DOCK4: variants seen among roughly 807,000 people sequenced by gnomAD.
The protein encoded by DOCK4 is dedicator of cytokinesis 4, also known as dedicator of cytokinesis protein 4.
Under a neutral mutation model 268.1 loss-of-function variants are expected in DOCK4, and 97 were observed. The ratio of observed to expected loss-of-function variants is 0.36; its 90% CI spans 0.31 to 0.43. The LOEUF is 0.43. Among genes scored for constraint, DOCK4 ranks in the 20% least tolerant of loss-of-function variants. The pLI is 1.00. For synonymous variants in DOCK4, 954 were observed against 887.2 expected (o/e 1.08, Z -1.34); for missense variants, 2,145 against 2,455.7 (o/e 0.87, Z 2.67).
intron 37 of DOCK4, among the ~76,000 whole-genome samples, chr7:111,767,621 G>A (rs999482984): frequency 6.6e-6 from 1 of 152,098 alleles, no homozygotes; most frequent in Non-Finnish European, 1.5e-5. Context: ...TGCTGGAAAC[G>A]ATAATCTACC....
At chr7:111,941,841 G>A (rs1439796537) in intron 10 of DOCK4, among the ~76,000 whole-genome samples, 1 of 152,160 alleles carries the variant, frequency 6.6e-6, no homozygotes, top group African/African-American at 2.4e-5. Flanking sequence ...TAAGGTTGAT[G>A]GGAGAAGTGT....
Position 111,940,161 on chromosome 7 carries a change from G to A in DOCK4, c.926C>T (p.Ala309Val). ...CTTTGTCTCTCCTGTTAGCAGGTCAGCGATGCTAAGAACTGCACAGCCAAA... is the reference window on the plus strand; with the variant it reads ...CTTTGTCTCTCCTGTTAGCAGGTCAACGATGCTAAGAACTGCACAGCCAAA... Reference protein sequence around the residue: ...RPFGCAVLSIADLLTGETKDD... With the variant: ...RPFGCAVLSIVDLLTGETKDD... The change falls in exon 11 of 53, where the codon GCT (alanine) becomes GTT (valine). Residue 309 changes from alanine (A) to valine (V), a missense_variant. This residue lies in a region of DOCK4 where 1,598 missense variants were observed against 1,986.7 expected (regional missense o/e 0.80). Coordinates refer to ENST00000428084, the MANE Select transcript of DOCK4 (RefSeq NM_001363540.2). 6.2e-7 allele frequency: 1 copy of A among 1,613,992 alleles called. No individual in the cohort carries two copies.
intron 1 of DOCK4, among the ~76,000 whole-genome samples, chr7:112,144,034 A>G (rs1230568389): frequency 6.6e-6 from 1 of 152,204 alleles, no homozygotes; most frequent in Non-Finnish European, 1.5e-5. Flanking sequence ...GGGGCTTGGT[A>G]ATATCTCTGC....
At chr7:112,111,370 T>G (rs1811636872) in intron 1 of DOCK4, among the ~76,000 whole-genome samples, 1 of 152,026 alleles carries the variant, frequency 6.6e-6, no homozygotes, top group South Asian at 2.1e-4. Context: ...TGCCTTCTTC[T>G]CCTTAGGACA....
chr7:112,067,469 G>A (rs2135644799), intron 1 of DOCK4, among the ~76,000 whole-genome samples: 1 of 152,146 alleles, frequency 6.6e-6, no homozygotes, highest in East Asian at 1.9e-4. Flanking sequence ...CTCTAAGAAG[G>A]TACGACTTCA....
chr7:112,039,933 A>C (rs1305907708), intron 1 of DOCK4, among the ~76,000 whole-genome samples: 1 of 152,060 alleles, frequency 6.6e-6, no homozygotes, highest in African/African-American at 2.4e-5. Flanking sequence ...TTCAGACCCT[A>C]CCATACAACA....
At chr7:111,789,446 G>A (rs1207668504) in intron 31 of DOCK4, among the ~76,000 whole-genome samples, 2 of 152,142 alleles carry the variant, frequency 1.3e-5, no homozygotes, top group Non-Finnish European at 2.9e-5. Flanking sequence ...CTTCTCTATG[G>A]CCAGAGAGAG....
At chr7:111,739,062 G>A in intron 49 of DOCK4, 72 bp downstream of exon 49, 1 of 1,352,626 alleles carries the variant, frequency 7.4e-7, no homozygotes. Flanking sequence ...GCTACCGCGT[G>A]TTTCTGCAGA....
At chr7:111,999,666 T>C (rs1800266416) in intron 3 of DOCK4, among the ~76,000 whole-genome samples, 1 of 151,928 alleles carries the variant, frequency 6.6e-6, no homozygotes. Flanking sequence ...CATGAAGTAA[T>C]TAAACACAGT....
chr7:111,772,030 G>C (rs749083891), intron 36 of DOCK4, among the ~76,000 whole-genome samples: 7 of 152,228 alleles, frequency 4.6e-5, no homozygotes, highest in Non-Finnish European at 8.8e-5. Context: ...CACAGGCAGT[G>C]ATGACTTCAA....
chr7:111,737,048 A>G, intron 49 of DOCK4, 59 bp from the exon 50 acceptor site: 1 of 1,450,532 alleles, frequency 6.9e-7, no homozygotes. Context: ...GAAACCTTTC[A>G]GAAAATGAGA....
At chr7:112,125,621 T>A (rs1354056751) in intron 1 of DOCK4, among the ~76,000 whole-genome samples, 1 of 152,202 alleles carries the variant, frequency 6.6e-6, no homozygotes, top group East Asian at 1.9e-4. Context: ...TCACAAGATA[T>A]GTGACCTTCA....
In DOCK4 at chr7:111,760,205, T is replaced by C. The variant is rs1797289609; in HGVS notation, c.4138A>G (p.Thr1380Ala). 6.2e-7 allele frequency: 1 copy of C among 1,613,916 alleles called. No homozygotes were observed. Reference sequence around the variant, plus strand: ...CACTGAGCTTCTGCCTGGAAGATGGTCTCATCGGGCTGGTTGGCGTGCTGC... The same window carrying C: ...CACTGAGCTTCTGCCTGGAAGATGGCCTCATCGGGCTGGTTGGCGTGCTGC... ...AMQHANQPDE[T>A]IFQAEAQYLQ... Residue 1380 changes from threonine to alanine, a missense_variant, in exon 40 of 53, where the codon ACC becomes GCC. Coordinates refer to ENST00000428084, the MANE Select transcript of DOCK4 (RefSeq NM_001363540.2).
At chr7:112,195,749 G>A (rs958869231) in intron 1 of DOCK4, among the ~76,000 whole-genome samples, 3 of 151,994 alleles carry the variant, frequency 2.0e-5, no homozygotes, top group Admixed American at 6.5e-5. Flanking sequence ...TCTGCTTAAA[G>A]ACTTCAGGGA....
Position 111,783,893 on chromosome 7 carries a change from G to T in DOCK4, c.3488C>A (p.Thr1163Asn). The change falls in exon 34 of 53, where the codon ACT becomes AAT. Residue 1163 changes from threonine (T) to asparagine (N), a missense_variant. Coordinates refer to ENST00000428084, the MANE Select transcript of DOCK4 (RefSeq NM_001363540.2). ...CAACCTCTCCATTAGACGAGTTACA[G>T]TAGCAATTAATGAAACGCCACTTTC... The part of the protein sequence containing the change: ...WRESGVSLIA[T>N]VTRLMERLLD... 2 of 1,605,524 alleles carry T rather than the reference G, an allele frequency of 1.2e-6. No individual in the cohort carries two copies.
intron 32 of DOCK4, chr7:111,784,590 C>A: frequency 2.4e-6 from 1 of 409,766 alleles, no homozygotes; most frequent in Admixed American, 2.7e-5. Flanking sequence ...GTGGTTGTTA[C>A]AGCAGATTGA....
intron 30 of DOCK4, among the ~76,000 whole-genome samples, chr7:111,804,702 C>CA (rs1468145470): frequency 6.6e-6 from 1 of 151,998 alleles, no homozygotes; most frequent in Non-Finnish European, 1.5e-5. Flanking sequence ...CAGATTCAAG[C>CA]AATTCTCCTG....
chr7:111,934,771 C>T (rs1285065201), intron 12 of DOCK4, among the ~76,000 whole-genome samples: 2 of 150,472 alleles, frequency 1.3e-5, no homozygotes, highest in Non-Finnish European at 3.0e-5. Flanking sequence ...GATCTCCTGA[C>T]CTCGTGATCC....
At chr7:111,957,227 G>T (rs759279508) in intron 8 of DOCK4, among the ~76,000 whole-genome samples, 4 of 152,090 alleles carry the variant, frequency 2.6e-5, no homozygotes, top group Non-Finnish European at 5.9e-5. Flanking sequence ...TCGCATATTG[G>T]ATACCATACA....
Sources: allele counts gnomAD v4.1 joint callset (sites outside exome capture counted in the v4.1 genomes callset), GRCh38; gene constraint gnomAD v4.1.1; regional missense constraint gnomAD v4.1.1; transcripts MANE v1.5; gene names NCBI Gene and HGNC (gene_info 2026-07-23, HGNC 2026-07-21).